The following CLCN5 variants were observed in gnomAD, a reference collection of about 807,000 sequenced individuals.
CLCN5 encodes the protein H(+)/Cl(-) exchange transporter 5.
In CLCN5, 17 loss-of-function variants were observed where a neutral mutation model predicts 54.0. That is an observed-to-expected ratio of 0.31 (90% CI 0.22 to 0.47). The LOEUF (loss-of-function observed/expected upper bound fraction) is 0.47. Ranked by LOEUF, CLCN5 falls within the 20% of genes least tolerant of loss-of-function variation. CLCN5 has a pLI of 1.00. For missense variants in CLCN5, 448 were observed against 646.7 expected, an observed-to-expected ratio of 0.69 and a Z score of 3.33; for synonymous variants, 222 against 233.0, an observed-to-expected ratio of 0.95 and a Z score of 0.43.
chrX:50,065,698 A>C (rs1390691050), intron 4 of CLCN5, among the ~76,000 whole-genome samples: 112 of 105,028 alleles, frequency 1.1e-3, no homozygotes, highest in African/African-American at 3.3e-3. Context: ...TGCTGCTATA[A>C]AGATACATGC....
At chrX:49,991,724 T>A (rs951924310) in intron 3 of CLCN5, among the ~76,000 whole-genome samples, 1 of 111,947 alleles carries the variant, frequency 8.9e-6, no homozygotes, top group Non-Finnish European at 1.9e-5. Flanking sequence ...TGTTAACATA[T>A]AACACACCTA....
chrX:49,977,504 C>T (rs1392977353), intron 3 of CLCN5, among the ~76,000 whole-genome samples: 1 of 111,020 alleles, frequency 9.0e-6, no homozygotes, highest in Non-Finnish European at 1.9e-5. Context: ...AATTCTAAAC[C>T]CTGGTATGTT....
chrX:49,934,382 G>C lies in CLCN5; in HGVS notation c.16+9068G>C, dbSNP rs782145085. Among the ~76,000 whole-genome samples the C allele has an allele frequency of 3.8e-4, 42 of 111,040 alleles. 1 individual carries two copies. The highest frequency in any genetic ancestry group is 1.3e-3 in the African/African-American group (39 of 30,504). ...ATGCTGTTCTGTGTGTCAAGGGTTG[G>C]GGGAGGCAGGACTAGAAAGTTTCAT... On this transcript the variant is annotated intron_variant, in intron 3 of 14. Transcript: ENST00000376091.
At position 50,086,412 on chromosome X, in the gene CLCN5, C is replaced by G. The variant is rs140252466; in HGVS notation, c.1099C>G (p.Pro367Ala). 8.3e-7 allele frequency: 1 copy of G among 1,210,914 alleles called. No individual in the cohort carries two copies. Residue 367 changes from proline to alanine, a missense_variant, in exon 11 of 15, where the codon CCA becomes GCA. Coordinates refer to ENST00000376091, the MANE Select transcript of CLCN5 (RefSeq NM_001127898.4). Reference protein sequence around the residue: ...VAAFTLRSINPFGNSRLVLFY... With the variant: ...VAAFTLRSINAFGNSRLVLFY... ...AGCATTCACTCTACGCTCCATCAATCCATTTGGGAACAGCCGCCTGGTACT... is the reference window on the plus strand; with the variant it reads ...AGCATTCACTCTACGCTCCATCAATGCATTTGGGAACAGCCGCCTGGTACT...
intron 3 of CLCN5, among the ~76,000 whole-genome samples, chrX:49,976,467 G>A (rs1367835301): frequency 8.9e-6 from 1 of 112,147 alleles, no homozygotes; most frequent in Non-Finnish European, 1.9e-5. Flanking sequence ...AGGCAAAGAT[G>A]GGGGAGACTG....
At chrX:49,994,703 A>G (rs984958646) in intron 3 of CLCN5, among the ~76,000 whole-genome samples, 3 of 111,919 alleles carry the variant, frequency 2.7e-5, no homozygotes, top group Admixed American at 9.5e-5. Context: ...TCCTGGAAGC[A>G]TCTTATCCAT....
At chrX:49,940,181 T>G (rs897366852) in intron 3 of CLCN5, among the ~76,000 whole-genome samples, 4 of 112,139 alleles carry the variant, frequency 3.6e-5, no homozygotes, top group Non-Finnish European at 7.5e-5. Context: ...CTGGTTTTCC[T>G]GGGCCCCTGT....
intron 3 of CLCN5, among the ~76,000 whole-genome samples, chrX:49,926,999 C>A (rs1304283220): frequency 1.8e-5 from 2 of 111,024 alleles, no homozygotes; most frequent in Non-Finnish European, 3.8e-5. Flanking sequence ...CCACTGGTGC[C>A]ATTCTCTGAG....
intron 4 of CLCN5, among the ~76,000 whole-genome samples, chrX:50,059,324 T>C (rs1274246911): frequency 8.9e-6 from 1 of 112,055 alleles, no homozygotes; most frequent in African/African-American, 3.2e-5. Context: ...CAGTCCACAC[T>C]TGTGTCAGTT....
chrX:50,063,959 A>G (rs1932914460), intron 4 of CLCN5, among the ~76,000 whole-genome samples: 2 of 108,795 alleles, frequency 1.8e-5, no homozygotes, highest in Admixed American at 9.8e-5. Flanking sequence ...AAATTCAACA[A>G]CCCTTCATGC....
chrX:49,973,461 C>G (rs1557176524), intron 3 of CLCN5, among the ~76,000 whole-genome samples: 1 of 108,120 alleles, frequency 9.2e-6, no homozygotes, highest in Non-Finnish European at 1.9e-5. Flanking sequence ...TGTGCTGCAC[C>G]CATTAACTCG....
chrX:49,958,584 G>C (rs1557174183), intron 3 of CLCN5, among the ~76,000 whole-genome samples: 1 of 111,304 alleles, frequency 9.0e-6, no homozygotes, highest in Non-Finnish European at 1.9e-5. Flanking sequence ...AAATACCCCA[G>C]CTTTTTAGTT....
intron 3 of CLCN5, among the ~76,000 whole-genome samples, chrX:50,007,027 C>G (rs1196728650): frequency 9.0e-6 from 1 of 111,233 alleles, no homozygotes; most frequent in Non-Finnish European, 1.9e-5. Context: ...GACCTGTATA[C>G]ACGGAGTCCC....
At chrX:50,080,535 C>T (rs1933648593) in intron 7 of CLCN5, 59 bp from the exon 8 acceptor site, 3 of 1,069,952 alleles carry the variant, frequency 2.8e-6, no homozygotes, top group South Asian at 3.9e-5. Context: ...CTCAGAAGAG[C>T]TGCATGTCTC....
Position 50,092,285 on chromosome X carries a change from G to A in CLCN5, c.*66G>A. 1 of 771,754 alleles carries A rather than the reference G, an allele frequency of 1.3e-6. No homozygotes were observed. Among genetic ancestry groups the A allele is most frequent in the South Asian group, 2.1e-5 (1 of 46,897 alleles). The allele number at this position is 771,754 out of a possible 1,213,427, so 63.6% of individuals were successfully genotyped here. ...GACCATGGATATGTTGTATTAACTG[G>A]GTACCCAAAACACATTTTCCATATT... On this transcript the variant is annotated 3_prime_UTR_variant, in exon 15 of 15. Coordinates refer to ENST00000376091, the MANE Select transcript of CLCN5 (RefSeq NM_001127898.4).
intron 3 of CLCN5, among the ~76,000 whole-genome samples, chrX:49,957,569 T>A (rs1271776062): frequency 1.8e-5 from 2 of 111,576 alleles, no homozygotes; most frequent in African/African-American, 6.5e-5. Context: ...CCTGTTGGTA[T>A]TTTTGGATTC....
chrX:50,060,613 TAAAC>T lies in CLCN5; in HGVS notation c.164-9262_164-9259del, dbSNP rs1371736066. ...CCGCCATTGCCCAGGCTTGCTTAGG[TAAAC>T]AAAGCAGCGGGGAAGCTCGAACTGG... On this transcript the variant is annotated intron_variant, in intron 4 of 14. Transcript: ENST00000376091. 1.9e-3 allele frequency among the ~76,000 whole-genome samples: 215 copies of T among 110,542 alleles called. 1 individual carries two copies. Among genetic ancestry groups the T allele is most frequent in the African/African-American group, 6.8e-3 (208 of 30,378 alleles).
intron 3 of CLCN5, among the ~76,000 whole-genome samples, chrX:49,933,421 T>C (rs958070366): frequency 2.7e-5 from 3 of 111,843 alleles, no homozygotes; most frequent in African/African-American, 6.5e-5. Context: ...AGTTATTCTT[T>C]CCCAAGCACA....
At chrX:49,923,556 T>G (rs1251611604) in intron 2 of CLCN5, 74 bp downstream of exon 2, 3 of 112,303 alleles carry the variant, frequency 2.7e-5, no homozygotes, top group African/African-American at 9.7e-5. Context: ...CTTCATACAT[T>G]TATTAGCAAC....
Sources: gnomAD v4.1 joint callset for allele counts (sites outside exome capture counted in the v4.1 genomes callset) on GRCh38, gnomAD v4.1.1 for gene constraint, MANE v1.5 for transcripts, NCBI Gene and HGNC (gene_info 2026-07-23, HGNC 2026-07-21) for gene names.